LOXL2: variants seen among roughly 807,000 people sequenced by gnomAD.
LOXL2 encodes the protein lysyl oxidase homolog 2.
A neutral mutation model predicts 93.0 loss-of-function variants in LOXL2; 70 were observed. The observed-to-expected ratio is 0.75, with a 90% CI of 0.62 to 0.92. LOXL2 has a LOEUF of 0.92. Among genes scored for constraint, LOXL2 ranks in the 40% least tolerant of loss-of-function variants. The pLI is 0.00. For synonymous variants in LOXL2, 438 were observed against 413.2 expected, an observed-to-expected ratio of 1.06 and a Z score of -0.73; for missense variants, 973 against 1,054.9, an observed-to-expected ratio of 0.92 and a Z score of 1.08.
intron 12 of LOXL2, among the ~76,000 whole-genome samples, chr8:23,300,970 G>T (rs1398994729): frequency 6.6e-6 from 1 of 152,212 alleles, no homozygotes; most frequent in African/African-American, 2.4e-5. Flanking sequence ...TGGGCTTGTG[G>T]GTGGAAAAGT....
rs891221139 is a variant in LOXL2 at position 23,317,022 on chromosome 8, G to A, written c.1563C>T (p.Cys521=). 1 of 1,613,994 alleles carries A rather than the reference G, an allele frequency of 6.2e-7. No homozygotes were observed. Among genetic ancestry groups the A allele is most frequent in the Non-Finnish European group, 8.5e-7 (1 of 1,179,986 alleles). ...CSGTELSLAH[C]RHDGEDVACP... ...AGGCCACGTCCTCCCCGTCGTGGCGGCAGTGCGCCAGGGACAGCTCCGTTC... is the reference window on the plus strand; with the variant it reads ...AGGCCACGTCCTCCCCGTCGTGGCGACAGTGCGCCAGGGACAGCTCCGTTC... The change falls in exon 9 of 14, where the codon TGC becomes TGT. Residue 521 remains cysteine, a synonymous_variant. Transcript: ENST00000389131.
intron 3 of LOXL2, among the ~76,000 whole-genome samples, chr8:23,355,240 C>T (rs1014816186): frequency 6.6e-5 from 10 of 151,910 alleles, no homozygotes; most frequent in South Asian, 2.1e-4. Context: ...CCACCGCATC[C>T]GGCCGGGAGT....
intron 9 of LOXL2, among the ~76,000 whole-genome samples, chr8:23,315,616 C>T (rs1259848609): frequency 6.6e-6 from 1 of 152,216 alleles, no homozygotes; most frequent in African/African-American, 2.4e-5. Context: ...AGCCATATTT[C>T]TATCTCACAG....
intron 3 of LOXL2, among the ~76,000 whole-genome samples, chr8:23,357,987 G>T (rs986887664): frequency 1.3e-5 from 2 of 152,180 alleles, no homozygotes; most frequent in African/African-American, 4.8e-5. Context: ...TGCATACAAT[G>T]ATACATAAGA....
Position 23,298,873 on chromosome 8 carries a change from A to G in LOXL2, c.2208T>C (p.Tyr736=). 1.2e-6 allele frequency: 2 copies of G among 1,614,050 alleles called. No homozygotes were observed. Among genetic ancestry groups the G allele is most frequent in the East Asian group, 2.2e-5 (1 of 44,872 alleles). Residue 736 remains tyrosine, a synonymous_variant, in exon 13 of 14, where the codon TAT becomes TAC. Transcript: ENST00000389131. ...TGTACATCCAGATGCGGTGGCCGTC[A>G]TAGCGGCTCCTGCATTTCATGATGT... ...SNNIMKCRSR[Y]DGHRIWMYNC...
At chr8:23,307,728 C>T (rs1349932878) in intron 10 of LOXL2, among the ~76,000 whole-genome samples, 1 of 152,148 alleles carries the variant, frequency 6.6e-6, no homozygotes, top group Non-Finnish European at 1.5e-5. Context: ...AGCCAAGCAC[C>T]AAAACCGTCA....
At chr8:23,365,202 A>AG (rs891677638) in intron 2 of LOXL2, 1 of 152,410 alleles carries the variant, frequency 6.6e-6, no homozygotes, top group African/African-American at 2.4e-5. Context: ...GGGGTCCTGG[A>AG]GGGGCAGTCT....
At chr8:23,390,660 T>C (rs905114633) in intron 1 of LOXL2, among the ~76,000 whole-genome samples, 1 of 152,206 alleles carries the variant, frequency 6.6e-6, no homozygotes, top group African/African-American at 2.4e-5. Flanking sequence ...AAAATGTGCC[T>C]ACCAGAGACT....
intron 1 of LOXL2, among the ~76,000 whole-genome samples, chr8:23,369,660 T>C (rs1585374798): frequency 6.6e-6 from 1 of 152,088 alleles, no homozygotes; most frequent in East Asian, 1.9e-4. Flanking sequence ...GGGGTGGAGA[T>C]GTTAGAGCCT....
chr8:23,301,983 C>T (rs368177600), intron 12 of LOXL2, 44 bp downstream of exon 12: 20 of 1,610,760 alleles, frequency 1.2e-5, no homozygotes, highest in Non-Finnish European at 1.5e-5. Flanking sequence ...GGTGGCCTCC[C>T]CTCCTCCCCC....
chr8:23,380,386 C>T (rs145616513), intron 1 of LOXL2, among the ~76,000 whole-genome samples: 11,608 of 52,944 alleles, frequency 0.22, 710 homozygotes, highest in African/African-American at 0.41. Flanking sequence ...AGCGAGACTC[C>T]GTCTCAAAAA....
chr8:23,338,583 C>T lies in LOXL2; in HGVS notation c.743+2409G>A, dbSNP rs549217987. Among the ~76,000 whole-genome samples the T allele has an allele frequency of 7.9e-5, 12 of 152,250 alleles. No individual in the cohort carries two copies. In the East Asian group the frequency reaches 1.4e-3, roughly 17 times the overall value. On this transcript the variant is annotated intron_variant, in intron 4 of 13. Transcript: ENST00000389131. ...CTGCAGAGTGGGCAGTGCTGCATGG[C>T]GGGAGGGAAGGGGGTCCCTTCTTGG...
In LOXL2 at chr8:23,319,803, G is replaced by A. The variant is rs574681062; in HGVS notation, c.1470+82C>T. 132 of 1,453,010 alleles carry A rather than the reference G, an allele frequency of 9.1e-5. No homozygotes were observed. The African/African-American group carries it at 1.4e-3, about 15-fold the overall frequency. The allele number at this position is 1,453,010 out of a possible 1,614,324, so 90.0% of individuals were successfully genotyped here. A position where few individuals can be genotyped will look rare whatever the true frequency, so the allele number is the denominator to read the frequency against. On this transcript the variant is annotated intron_variant, in intron 8 of 13. Coordinates refer to ENST00000389131, the MANE Select transcript of LOXL2 (RefSeq NM_002318.3). ...CTGCCTGCACGGCTAGGGAGGGTACGTGGGAGAGGGGGGCTGACTGAAGAC... is the reference window on the plus strand; with the variant it reads ...CTGCCTGCACGGCTAGGGAGGGTACATGGGAGAGGGGGGCTGACTGAAGAC...
chr8:23,302,390 G>GC (rs1803150080), intron 11 of LOXL2, among the ~76,000 whole-genome samples: 2 of 152,136 alleles, frequency 1.3e-5, no homozygotes, highest in Non-Finnish European at 2.9e-5. Context: ...CCTCCATGAA[G>GC]CCCTCCCTGA....
At chr8:23,350,317 A>T (rs938246371) in intron 3 of LOXL2, among the ~76,000 whole-genome samples, 1 of 152,094 alleles carries the variant, frequency 6.6e-6, no homozygotes, top group African/African-American at 2.4e-5. Context: ...AGTGGCACGC[A>T]CCTGTAATCT....
chr8:23,328,466 C>T lies in LOXL2; in HGVS notation c.1066G>A (p.Asp356Asn), dbSNP rs747066237. Residue 356 changes from aspartate to asparagine, a missense_variant, in exon 6 of 14, where the codon GAC becomes AAC. Physicochemically the swap from Asp to Asn is conservative, Grantham distance 23. Coordinates refer to ENST00000389131, the MANE Select transcript of LOXL2 (RefSeq NM_002318.3). ...CAGACCACACTGGCCGACACCAGGT[C>T]CCACTTGTCGTCGCAGACGGTCCCC... ...EWGTVCDDKW[D>N]LVSASVVCRE... 1 of 1,614,126 alleles carries T rather than the reference C, an allele frequency of 6.2e-7. No homozygotes were observed. Among genetic ancestry groups the T allele is most frequent in the Non-Finnish European group, 8.5e-7 (1 of 1,180,018 alleles).
At chr8:23,388,651 AC>A (rs1804799674) in intron 1 of LOXL2, among the ~76,000 whole-genome samples, 1 of 117,532 alleles carries the variant, frequency 8.5e-6, no homozygotes, top group African/African-American at 2.7e-5. Flanking sequence ...ACACACACAC[AC>A]ACACACACAC....
chr8:23,326,024 C>T (rs117617548), intron 6 of LOXL2, among the ~76,000 whole-genome samples: 1,960 of 152,320 alleles, frequency 0.013, 15 homozygotes, highest in African/African-American at 0.016. Context: ...TCAGATTGCC[C>T]GACTCACAGT....
At chr8:23,374,181 T>A (rs1804547168) in intron 1 of LOXL2, among the ~76,000 whole-genome samples, 1 of 145,946 alleles carries the variant, frequency 6.9e-6, no homozygotes, top group Admixed American at 7.1e-5. Flanking sequence ...TTCCCACCTA[T>A]GAGTGACAAC....
Sources: gnomAD v4.1 joint callset for allele counts (sites outside exome capture counted in the v4.1 genomes callset) on GRCh38, gnomAD v4.1.1 for gene constraint, MANE v1.5 for transcripts, NCBI Gene and HGNC (gene_info 2026-07-23, HGNC 2026-07-21) for gene names.